Variants in DRGX observed in about 807,000 individuals in gnomAD.
The protein encoded by DRGX is dorsal root ganglia homeobox.
In DRGX, 21 loss-of-function variants were observed where a neutral mutation model predicts 28.6. That is an observed-to-expected ratio of 0.73 (90% CI 0.52 to 1.06). DRGX has a LOEUF of 1.06. Among genes scored for constraint, DRGX ranks in the 50% least tolerant of loss-of-function variants. DRGX has a pLI of 0.00. For synonymous variants in DRGX, 136 were observed against 139.1 expected (o/e 0.98, Z 0.16); for missense variants, 354 against 343.9 (o/e 1.03, Z -0.23).
At chr10:49,394,438 C>T (rs1390590842) in intron 2 of DRGX, among the ~76,000 whole-genome samples, 1 of 152,194 alleles carries the variant, frequency 6.6e-6, no homozygotes, top group Non-Finnish European at 1.5e-5. Flanking sequence ...TCTCCCACCA[C>T]AATAATAAAT....
intron 6 of DRGX, among the ~76,000 whole-genome samples, chr10:49,379,952 A>G (rs1389209364): frequency 6.6e-6 from 1 of 151,890 alleles, no homozygotes; most frequent in Non-Finnish European, 1.5e-5. Context: ...GAACCATGTC[A>G]CCTCTCCAGA....
At chr10:49,375,897 C>T (rs758703628) in intron 6 of DRGX, among the ~76,000 whole-genome samples, 3 of 152,180 alleles carry the variant, frequency 2.0e-5, no homozygotes, top group African/African-American at 4.8e-5. Context: ...TCTCCTGCTG[C>T]CTCTGGCACC....
intron 6 of DRGX, among the ~76,000 whole-genome samples, chr10:49,378,792 G>T (rs1849742510): frequency 6.6e-6 from 1 of 152,022 alleles, no homozygotes; most frequent in African/African-American, 2.4e-5. Flanking sequence ...AACAAATCTT[G>T]TAAACATAGT....
chr10:49,365,635 G>A lies in DRGX; in HGVS notation c.*481C>T, dbSNP rs2132465989. 1 of 154,334 alleles carries A rather than the reference G, an allele frequency of 6.5e-6. No homozygotes were observed. The highest frequency in any genetic ancestry group is 2.4e-5 in the African/African-American group (1 of 41,700). 9.6% of individuals were successfully genotyped at this position (154,334 alleles called of 1,614,324 possible). ...GGGCATTACTGCTCATCTTGGTCCA[G>A]GGGAGCAAGAGTCGCTTGGGGTTCC... On this transcript the variant is annotated 3_prime_UTR_variant, in exon 7 of 7. Coordinates refer to ENST00000374139, the MANE Select transcript of DRGX (RefSeq NM_001276451.2).
intron 4 of DRGX, among the ~76,000 whole-genome samples, chr10:49,387,534 A>T (rs1013889864): frequency 6.6e-6 from 1 of 152,010 alleles, no homozygotes; most frequent in Admixed American, 6.6e-5. Context: ...GTGGTGGTAC[A>T]TGCCTGTAAT....
Position 49,391,161 on chromosome 10 carries a change from T to C in DRGX, c.132+3A>G. The C allele has an allele frequency of 1.2e-6, 2 of 1,613,546 alleles. No homozygotes were observed. Among genetic ancestry groups the C allele is most frequent in the Non-Finnish European group, 1.7e-6 (2 of 1,179,670 alleles). ...TGTTTGAAAGGAGAATCAACGTTGGTACCTGCTGAAGAGTGAACGTCGTCC... is the reference window on the plus strand; with the variant it reads ...TGTTTGAAAGGAGAATCAACGTTGGCACCTGCTGAAGAGTGAACGTCGTCC... On this transcript the variant is annotated splice_donor_region_variant and intron_variant, in intron 3 of 6. Transcript: ENST00000374139.
chr10:49,369,391 T>C (rs1849630989), intron 6 of DRGX, among the ~76,000 whole-genome samples: 1 of 152,212 alleles, frequency 6.6e-6, no homozygotes, highest in Non-Finnish European at 1.5e-5. Context: ...CCGTAAGGAC[T>C]GTACATACCA....
In DRGX at chr10:49,375,825, G is replaced by T. The variant is rs1441085485; in HGVS notation, c.527-9444C>A. On this transcript the variant is annotated intron_variant, in intron 6 of 6. Transcript: ENST00000374139. ...GGACGCATGTTCCTGGCAGTCAGAT[G>T]CCAATTCACACAACCCTCCCTCCTT... 2.0e-5 allele frequency among the ~76,000 whole-genome samples: 3 copies of T among 152,212 alleles called. No individual in the cohort carries two copies. The East Asian group carries it at 5.8e-4, about 29-fold the overall frequency.
At chr10:49,372,965 A>AT (rs1017695102) in intron 6 of DRGX, among the ~76,000 whole-genome samples, 4 of 152,184 alleles carry the variant, frequency 2.6e-5, no homozygotes, top group Non-Finnish European at 4.4e-5. Flanking sequence ...GTAGCAGAGT[A>AT]TTGTTTTTGT....
chr10:49,366,686 T>G (rs933458202), intron 6 of DRGX, among the ~76,000 whole-genome samples: 2 of 152,220 alleles, frequency 1.3e-5, no homozygotes, highest in African/African-American at 4.8e-5. Context: ...TTCTGTAAAA[T>G]GGGGTAATAC....
chr10:49,393,378 C>T (rs999357676), intron 2 of DRGX, among the ~76,000 whole-genome samples: 6 of 151,908 alleles, frequency 3.9e-5, no homozygotes, highest in Non-Finnish European at 7.4e-5. Context: ...TTGAAGGAAT[C>T]ACAAAAAAAA....
chr10:49,375,688 C>T (rs1849709213), intron 6 of DRGX, among the ~76,000 whole-genome samples: 1 of 152,188 alleles, frequency 6.6e-6, no homozygotes, highest in African/African-American at 2.4e-5. Flanking sequence ...TGTGCTGTGA[C>T]ACAGTCTCAG....
In DRGX at chr10:49,365,809, C is replaced by G. The variant is rs1849591549; in HGVS notation, c.*307G>C. On this transcript the variant is annotated 3_prime_UTR_variant, in exon 7 of 7. Transcript: ENST00000374139. ...GAAGGGAGACGGATGAGGAATCTACCTCCCTCCGAGACTCTGGGCCTGGAT... is the reference window on the plus strand; with the variant it reads ...GAAGGGAGACGGATGAGGAATCTACGTCCCTCCGAGACTCTGGGCCTGGAT... The G allele has an allele frequency of 3.5e-6, 1 of 285,456 alleles. No homozygotes were observed. The highest frequency in any genetic ancestry group is 6.4e-6 in the Non-Finnish European group (1 of 155,336). The allele number at this position is 285,456 out of a possible 1,614,324, so 17.7% of individuals were successfully genotyped here.
chr10:49,390,709 G>A (rs1849893449), intron 3 of DRGX, among the ~76,000 whole-genome samples: 1 of 152,154 alleles, frequency 6.6e-6, no homozygotes, highest in Admixed American at 6.5e-5. Flanking sequence ...GGCTGATCGA[G>A]GGGAAAAAGC....
At chr10:49,388,131 T>C (rs1218167055) in intron 4 of DRGX, among the ~76,000 whole-genome samples, 2 of 152,106 alleles carry the variant, frequency 1.3e-5, no homozygotes, top group African/African-American at 2.4e-5. Context: ...AGGTGCAGGG[T>C]TCTTTAAGCC....
rs570132694 is a variant in DRGX, at chr10:49,369,039, C to T, written c.527-2658G>A. Among the ~76,000 whole-genome samples the T allele has an allele frequency of 1.0e-3, 158 of 152,220 alleles. 2 individuals are homozygous for T. Among genetic ancestry groups the T allele is most frequent in the South Asian group, 2.1e-3 (10 of 4,816 alleles). On this transcript the variant is annotated intron_variant, in intron 6 of 6. Coordinates refer to ENST00000374139, the MANE Select transcript of DRGX (RefSeq NM_001276451.2). ...TATTAACCCAGTCAAGAGCTTGCTC[C>T]AATGTAAGCATCAATGGTGAGTTCA...
At chr10:49,383,036 C>A (rs917189753) in intron 6 of DRGX, among the ~76,000 whole-genome samples, 1 of 152,166 alleles carries the variant, frequency 6.6e-6, no homozygotes, top group East Asian at 1.9e-4. Flanking sequence ...CACACACCTC[C>A]AAGGGCAAGG....
chr10:49,395,408 C>T lies in DRGX; in HGVS notation c.33G>A (p.Glu11=). The T allele has an allele frequency of 6.5e-7, 1 of 1,550,322 alleles. No individual in the cohort carries two copies. Among genetic ancestry groups the T allele is most frequent in the Non-Finnish European group, 8.7e-7 (1 of 1,146,900 alleles). The change falls in exon 2 of 7, where the codon GAG becomes GAA. Residue 11 remains glutamate, a splice_region_variant and synonymous_variant. Transcript: ENST00000374139. MFYFHCPPQL[E]GTATFGNHSS... is the part of the protein sequence containing the mutation. ...CCCTGGGGCGCAGCGCTTACTTACC[C>T]TCTAGCTGTGGCGGGCAGTGGAAAT...
chr10:49,387,640 G>C (rs769332338), intron 4 of DRGX, among the ~76,000 whole-genome samples: 7 of 148,764 alleles, frequency 4.7e-5, no homozygotes, highest in Non-Finnish European at 7.4e-5. Context: ...TCCAGCCTGG[G>C]TGACACAGTG....
Sources: allele counts gnomAD v4.1 joint callset (sites outside exome capture counted in the v4.1 genomes callset), GRCh38; gene constraint gnomAD v4.1.1; transcripts MANE v1.5; gene names NCBI Gene and HGNC (gene_info 2026-07-23, HGNC 2026-07-21).